Variants in JAZF1 observed in about 807,000 individuals in gnomAD.
The protein encoded by JAZF1 is juxtaposed with another zinc finger protein 1.
In JAZF1, 8 loss-of-function variants were observed where a neutral mutation model predicts 26.4. That is an observed-to-expected ratio of 0.30 (90% confidence interval 0.18 to 0.55). The LOEUF is 0.55. Ranked by LOEUF, JAZF1 falls within the 20% of genes least tolerant of loss-of-function variation. The pLI, the probability that JAZF1 is intolerant of heterozygous loss-of-function variation, is 0.94. For missense variants in JAZF1, 199 were observed against 322.0 expected, an observed-to-expected ratio of 0.62 and a Z score of 2.92; for synonymous variants, 126 against 122.3, an observed-to-expected ratio of 1.03 and a Z score of -0.20.
At chr7:27,938,517 G>A (rs185297250) in intron 2 of JAZF1, among the ~76,000 whole-genome samples, 2 of 152,208 alleles carry the variant, frequency 1.3e-5, no homozygotes, top group Admixed American at 1.3e-4. Flanking sequence ...ACAGCCTTGG[G>A]CAAGGTACTT....
At chr7:28,003,584 G>T (rs952701110) in intron 1 of JAZF1, among the ~76,000 whole-genome samples, 3 of 152,160 alleles carry the variant, frequency 2.0e-5, no homozygotes, top group African/African-American at 7.2e-5. Flanking sequence ...AATACTACAT[G>T]TAATAACACC....
intron 2 of JAZF1, among the ~76,000 whole-genome samples, chr7:27,976,621 G>C (rs1315104580): frequency 6.6e-6 from 1 of 152,068 alleles, no homozygotes; most frequent in African/African-American, 2.4e-5. Context: ...TAGTAGACAA[G>C]GGAGGAAAAT....
chr7:27,996,476 G>T (rs768173263), intron 1 of JAZF1, among the ~76,000 whole-genome samples: 2 of 152,184 alleles, frequency 1.3e-5, no homozygotes, highest in Non-Finnish European at 2.9e-5. Context: ...GGAAGACCCT[G>T]GGAAGGCAAA....
chr7:28,032,361 G>A (rs1222461035), intron 1 of JAZF1, among the ~76,000 whole-genome samples: 3 of 152,118 alleles, frequency 2.0e-5, no homozygotes, highest in Non-Finnish European at 4.4e-5. Context: ...CTGCAATTTG[G>A]AAATTAATAA....
intron 1 of JAZF1, among the ~76,000 whole-genome samples, chr7:28,103,695 T>C (rs1238269988): frequency 6.6e-6 from 1 of 152,108 alleles, no homozygotes; most frequent in African/African-American, 2.4e-5. Flanking sequence ...GTTGACCTTA[T>C]CTCTAAAATC....
At chr7:28,019,923 G>A (rs1230263666) in intron 1 of JAZF1, among the ~76,000 whole-genome samples, 1 of 151,982 alleles carries the variant, frequency 6.6e-6, no homozygotes, top group Non-Finnish European at 1.5e-5. Context: ...TTGTAGGAAA[G>A]GTATTATAAT....
intron 3 of JAZF1, among the ~76,000 whole-genome samples, chr7:27,880,936 A>G (rs1486203958): frequency 6.6e-6 from 1 of 152,168 alleles, no homozygotes; most frequent in Non-Finnish European, 1.5e-5. Flanking sequence ...TGGCCTCCCA[A>G]ATTGTTGGGA....
At chr7:28,139,976 C>T (rs771644623) in intron 1 of JAZF1, among the ~76,000 whole-genome samples, 13 of 151,854 alleles carry the variant, frequency 8.6e-5, no homozygotes, top group Non-Finnish European at 1.3e-4. Flanking sequence ...TGGAAAGAGA[C>T]GGAGGTTGGG....
intron 1 of JAZF1, among the ~76,000 whole-genome samples, chr7:28,168,518 G>A (rs1051483938): frequency 2.0e-5 from 3 of 151,970 alleles, no homozygotes; most frequent in Non-Finnish European, 4.4e-5. Context: ...ACTGGGTATC[G>A]GCTGCCTTTT....
chr7:28,054,205 C>G (rs1319213575), intron 1 of JAZF1, among the ~76,000 whole-genome samples: 1 of 152,224 alleles, frequency 6.6e-6, no homozygotes, highest in Non-Finnish European at 1.5e-5. Flanking sequence ...CATTCTTGCT[C>G]AATCAATACC....
Position 28,148,964 on chromosome 7 carries a change from T to C in JAZF1, c.115+31499A>G, listed in dbSNP as rs1029850877. ...AGGATAGGCGAGGTTTCTACTTACG[T>C]TGGCTTTACTTATCTATTTTACTGC... is the stretch of plus-strand genomic sequence containing the variant. On this transcript the variant is annotated intron_variant, in intron 1 of 4. Transcript: ENST00000283928. 2.6e-5 allele frequency among the ~76,000 whole-genome samples: 4 copies of C among 152,216 alleles called. No individual in the cohort carries two copies. The East Asian group carries it at 7.7e-4, about 29-fold the overall frequency.
At chr7:27,968,441 G>A (rs1583485106) in intron 2 of JAZF1, among the ~76,000 whole-genome samples, 1 of 152,154 alleles carries the variant, frequency 6.6e-6, no homozygotes, top group African/African-American at 2.4e-5. Context: ...GTGGCTACAA[G>A]GGTGTTTGTG....
At chr7:28,013,301 T>C (rs960558082) in intron 1 of JAZF1, among the ~76,000 whole-genome samples, 1 of 152,046 alleles carries the variant, frequency 6.6e-6, no homozygotes, top group Non-Finnish European at 1.5e-5. Flanking sequence ...AGACCTAGCA[T>C]AGGGCCTGCT....
chr7:28,133,484 A>G (rs1008499604), intron 1 of JAZF1, among the ~76,000 whole-genome samples: 2 of 152,194 alleles, frequency 1.3e-5, no homozygotes, highest in African/African-American at 4.8e-5. Flanking sequence ...AGAATCCAGG[A>G]AAGAAAACAA....
At chr7:28,072,540 G>A (rs1783993076) in intron 1 of JAZF1, among the ~76,000 whole-genome samples, 1 of 152,088 alleles carries the variant, frequency 6.6e-6, no homozygotes, top group African/African-American at 2.4e-5. Flanking sequence ...TTTGAGATAA[G>A]TATCTCCAGA....
At chr7:28,069,336 C>G (rs1402807213) in intron 1 of JAZF1, among the ~76,000 whole-genome samples, 1 of 152,210 alleles carries the variant, frequency 6.6e-6, no homozygotes, top group Non-Finnish European at 1.5e-5. Flanking sequence ...ACCTGGAGAT[C>G]AAGTATGGTA....
intron 2 of JAZF1, among the ~76,000 whole-genome samples, chr7:27,924,218 C>T (rs1784577379): frequency 6.6e-6 from 1 of 152,190 alleles, no homozygotes; most frequent in South Asian, 2.1e-4. Context: ...GCTGGAATTA[C>T]AGGCGCCCGC....
intron 3 of JAZF1, among the ~76,000 whole-genome samples, chr7:27,847,800 T>A (rs920749647): frequency 5.3e-5 from 8 of 152,162 alleles, no homozygotes; most frequent in Admixed American, 3.9e-4. Context: ...CTTGAGTAGC[T>A]GGGATTACAG....
chr7:27,918,965 G>A (rs1243929995), intron 2 of JAZF1, among the ~76,000 whole-genome samples: 1 of 152,164 alleles, frequency 6.6e-6, no homozygotes, highest in Non-Finnish European at 1.5e-5. Context: ...CTAAACATGG[G>A]ACTTTGTGAT....
Sources: allele counts gnomAD v4.1 joint callset (sites outside exome capture counted in the v4.1 genomes callset), GRCh38; gene constraint gnomAD v4.1.1; transcripts MANE v1.5; gene names NCBI Gene and HGNC (gene_info 2026-07-23, HGNC 2026-07-21).